VOPP1: variants seen among roughly 807,000 people sequenced by gnomAD.
VOPP1 encodes the protein WW domain binding protein VOPP1.
In VOPP1, 8 loss-of-function variants were observed where a neutral mutation model predicts 23.5. The ratio of observed to expected loss-of-function variants is 0.34; its 90% CI spans 0.20 to 0.61. The LOEUF (loss-of-function observed/expected upper bound fraction) is 0.61, where lower values mean the gene tolerates loss of function less well. Ranked by LOEUF, VOPP1 falls within the 20% of genes least tolerant of loss-of-function variation. The pLI, the probability that VOPP1 is intolerant of heterozygous loss-of-function variation, is 0.78. For synonymous variants in VOPP1, 83 were observed against 97.3 expected (o/e 0.85, Z 0.86); for missense variants, 174 against 238.1 (o/e 0.73, Z 1.77).
At chr7:55,513,783 C>G (rs537309731) in intron 2 of VOPP1, among the ~76,000 whole-genome samples, 1 of 152,310 alleles carries the variant, frequency 6.6e-6, no homozygotes, top group South Asian at 2.1e-4. Flanking sequence ...CCCAGCTCTT[C>G]AAAGGGCCAC....
At chr7:55,439,580 C>T (rs1189358798) in intron 4 of VOPP1, among the ~76,000 whole-genome samples, 4 of 152,164 alleles carry the variant, frequency 2.6e-5, no homozygotes, top group Admixed American at 6.5e-5. Flanking sequence ...TAACACAGGA[C>T]GCAGTGGAAG....
intron 4 of VOPP1, among the ~76,000 whole-genome samples, chr7:55,464,627 C>CA (rs1322497012): frequency 6.6e-6 from 1 of 152,172 alleles, no homozygotes; most frequent in Non-Finnish European, 1.5e-5. Flanking sequence ...CTGTATGAGT[C>CA]AGAGTCCTGG....
intron 1 of VOPP1, chr7:55,539,368 C>A (rs1352775440): frequency 1.3e-5 from 2 of 152,052 alleles, no homozygotes; most frequent in Admixed American, 1.3e-4. Context: ...AAAAAAAGTA[C>A]GTGTATTTAT....
intron 3 of VOPP1, among the ~76,000 whole-genome samples, chr7:55,496,910 A>G (rs962069312): frequency 6.6e-6 from 1 of 152,248 alleles, no homozygotes; most frequent in Non-Finnish European, 1.5e-5. Context: ...GCAGGTGGGT[A>G]CAAGAAATGC....
chr7:55,435,466 ATCAGTG>A (rs1790800307), downstream of VOPP1, among the ~76,000 whole-genome samples: 1 of 152,164 alleles, frequency 6.6e-6, no homozygotes, highest in South Asian at 2.1e-4. Flanking sequence ...ACTTTTCCAC[ATCAGTG>A]TCAAAGTCCA....
chr7:55,493,472 G>C (rs193209228), intron 3 of VOPP1, among the ~76,000 whole-genome samples: 21 of 152,348 alleles, frequency 1.4e-4, no homozygotes, highest in Admixed American at 1.4e-3. Flanking sequence ...ATATTAATGT[G>C]ATGTCAAGGC....
At chr7:55,456,369 C>A (rs527515656) in intron 4 of VOPP1, among the ~76,000 whole-genome samples, 23 of 152,272 alleles carry the variant, frequency 1.5e-4, no homozygotes, top group Non-Finnish European at 2.5e-4. Context: ...ATTAGTTCAG[C>A]CATTGTGGAA....
chr7:55,548,672 T>C (rs1249197493), intron 1 of VOPP1, among the ~76,000 whole-genome samples: 1 of 152,238 alleles, frequency 6.6e-6, no homozygotes, highest in Non-Finnish European at 1.5e-5. Flanking sequence ...TCATGCACAC[T>C]TTCTAAGGGA....
chr7:55,502,753 C>CA (rs1794455320), intron 2 of VOPP1, among the ~76,000 whole-genome samples: 1 of 152,208 alleles, frequency 6.6e-6, no homozygotes, highest in Non-Finnish European at 1.5e-5. Context: ...TGCATCAAGT[C>CA]AAATACTCCT....
In VOPP1 at chr7:55,536,735, G is replaced by A. The variant is rs1471921496; in HGVS notation, c.55-15605C>T. On this transcript the variant is annotated intron_variant, in intron 1 of 4. Transcript: ENST00000285279. ...AAAAACAACTCGTGTTCACACCAAG[G>A]AGCACTGGCCCAGGCACGGAGCGTG... Among the ~76,000 whole-genome samples, 7 of 152,286 alleles carry A rather than the reference G, an allele frequency of 4.6e-5. No homozygotes were observed. The East Asian group carries it at 1.4e-3, about 30-fold the overall frequency.
intron 1 of VOPP1, chr7:55,537,708 C>T: frequency 7.0e-7 from 1 of 1,427,700 alleles, no homozygotes; most frequent in Non-Finnish European, 9.2e-7. Flanking sequence ...ATGGAGGACG[C>T]TACAAGGATT....
At chr7:55,449,569 C>T (rs549696492) in intron 4 of VOPP1, among the ~76,000 whole-genome samples, 27 of 152,350 alleles carry the variant, frequency 1.8e-4, no homozygotes, top group African/African-American at 5.5e-4. Flanking sequence ...CCAGCCTTCC[C>T]TCCCCAGGCG....
intron 1 of VOPP1, among the ~76,000 whole-genome samples, chr7:55,539,971 C>T (rs1797045868): frequency 6.6e-6 from 1 of 150,918 alleles, no homozygotes. Flanking sequence ...AGCAGGAACA[C>T]TCATGAATTA....
chr7:55,527,568 T>A (rs1796261439), intron 1 of VOPP1, among the ~76,000 whole-genome samples: 4 of 152,154 alleles, frequency 2.6e-5, no homozygotes, highest in Non-Finnish European at 4.4e-5. Context: ...TTACCTGCTT[T>A]CGTGTTCAGC....
intron 4 of VOPP1, among the ~76,000 whole-genome samples, chr7:55,490,548 G>A (rs902838513): frequency 5.9e-5 from 9 of 152,186 alleles, no homozygotes; most frequent in African/African-American, 2.2e-4. Flanking sequence ...CACGGACCAG[G>A]GACATGTGGC....
chr7:55,557,786 G>A (rs188118087), intron 1 of VOPP1, among the ~76,000 whole-genome samples: 1 of 152,368 alleles, frequency 6.6e-6, no homozygotes, highest in Admixed American at 6.5e-5. Flanking sequence ...AGGACCGTCC[G>A]CAGAGAATGG....
At chr7:55,513,508 C>T (rs1449225366) in intron 2 of VOPP1, among the ~76,000 whole-genome samples, 1 of 152,074 alleles carries the variant, frequency 6.6e-6, no homozygotes, top group East Asian at 1.9e-4. Context: ...GTACCTAGAT[C>T]TGAAGGAAAA....
At chr7:55,545,123 G>A (rs1456987201) in intron 1 of VOPP1, among the ~76,000 whole-genome samples, 1 of 152,170 alleles carries the variant, frequency 6.6e-6, no homozygotes, top group Non-Finnish European at 1.5e-5. Context: ...GACCACAACG[G>A]TGGGGCATGG....
chr7:55,499,336 C>T (rs116930724), intron 2 of VOPP1, among the ~76,000 whole-genome samples: 1,941 of 152,240 alleles, frequency 0.013, 19 homozygotes, highest in Middle Eastern at 0.02. Context: ...CCTGTAGTCC[C>T]GGCTACTCAG....
Sources: gnomAD v4.1 joint callset for allele counts (sites outside exome capture counted in the v4.1 genomes callset) on GRCh38, gnomAD v4.1.1 for gene constraint, MANE v1.5 for transcripts, NCBI Gene and HGNC (gene_info 2026-07-23, HGNC 2026-07-21) for gene names.